RAPGEF5: variants seen among roughly 807,000 people sequenced by gnomAD.
The protein encoded by RAPGEF5 is M-Ras-regulated GEF.
A neutral mutation model predicts 125.2 loss-of-function variants in RAPGEF5; 65 were observed. The ratio of observed to expected loss-of-function variants is 0.52; its 90% CI spans 0.43 to 0.64. RAPGEF5 has a LOEUF of 0.64. Among genes scored for constraint, RAPGEF5 ranks in the 30% least tolerant of loss-of-function variants. The pLI is 0.00. For missense variants in RAPGEF5, 958 were observed against 1,048.1 expected (o/e 0.91, Z 1.19); for synonymous variants, 391 against 385.9 (o/e 1.01, Z -0.16).
At chr7:22,184,505 C>G (rs1784770467) in intron 11 of RAPGEF5, among the ~76,000 whole-genome samples, 1 of 152,192 alleles carries the variant, frequency 6.6e-6, no homozygotes, top group Admixed American at 6.5e-5. Flanking sequence ...AAAATGCATT[C>G]CAATGATCCA....
intron 11 of RAPGEF5, among the ~76,000 whole-genome samples, chr7:22,188,943 G>A (rs1784906256): frequency 6.6e-6 from 1 of 150,816 alleles, no homozygotes; most frequent in Non-Finnish European, 1.5e-5. Context: ...GTTGCTAAAC[G>A]CCAGCTCCCC....
At position 22,356,717 on chromosome 7, in the gene RAPGEF5, T is replaced by C. The variant is rs1275863116; in HGVS notation, c.231+113A>G. 4 of 492,210 alleles carry C rather than the reference T, an allele frequency of 8.1e-6. No homozygotes were observed. The East Asian group carries it at 2.8e-4, about 34-fold the overall frequency. The allele number at this position is 492,210 out of a possible 1,614,324, so 30.5% of individuals were successfully genotyped here. A position where few individuals can be genotyped will look rare whatever the true frequency, so the allele number is the denominator to read the frequency against. On this transcript the variant is annotated intron_variant, in intron 1 of 25. Coordinates refer to ENST00000665637, the MANE Select transcript of RAPGEF5 (RefSeq NM_012294.5). Reference sequence around the variant, plus strand: ...TTCAGCCGAGTCCGGCAGAAGGGCGTCCCTTCCGCCACCTCCCCAACTTCC... The same window carrying C: ...TTCAGCCGAGTCCGGCAGAAGGGCGCCCCTTCCGCCACCTCCCCAACTTCC...
intron 9 of RAPGEF5, among the ~76,000 whole-genome samples, chr7:22,208,518 G>A (rs1486363779): frequency 1.3e-5 from 2 of 152,152 alleles, no homozygotes; most frequent in Non-Finnish European, 2.9e-5. Flanking sequence ...TGATCATAAG[G>A]GATGCTGGCC....
At chr7:22,250,222 A>AT (rs1786585164) in intron 7 of RAPGEF5, among the ~76,000 whole-genome samples, 1 of 152,216 alleles carries the variant, frequency 6.6e-6, no homozygotes, top group South Asian at 2.1e-4. Flanking sequence ...TAATCACTAT[A>AT]TGACAGTATT....
chr7:22,338,921 A>G (rs755189508), intron 1 of RAPGEF5, among the ~76,000 whole-genome samples: 1 of 152,220 alleles, frequency 6.6e-6, no homozygotes, highest in Non-Finnish European at 1.5e-5. Context: ...CTCTAAAATA[A>G]TAATTGATCA....
rs889655881 is a variant in RAPGEF5, at chr7:22,310,143, A to G, written c.390-53T>C. 1.8e-5 allele frequency: 16 copies of G among 880,096 alleles called. No individual in the cohort carries two copies. In the African/African-American group the frequency reaches 2.6e-4, roughly 14 times the overall value. The allele number at this position is 880,096 out of a possible 1,614,324, so 54.5% of individuals were successfully genotyped here. A position where few individuals can be genotyped will look rare whatever the true frequency, so the allele number is the denominator to read the frequency against. On this transcript the variant is annotated intron_variant, in intron 3 of 25. Coordinates refer to ENST00000665637, the MANE Select transcript of RAPGEF5 (RefSeq NM_012294.5). ...AAGATATTGCTGACATCCGTTTGCCAAAAAAACAAAAATGATATATAATAC... is the reference window on the plus strand; with the variant it reads ...AAGATATTGCTGACATCCGTTTGCCGAAAAAACAAAAATGATATATAATAC...
intron 9 of RAPGEF5, among the ~76,000 whole-genome samples, chr7:22,216,674 T>C (rs1244316260): frequency 6.6e-6 from 1 of 152,212 alleles, no homozygotes; most frequent in African/African-American, 2.4e-5. Flanking sequence ...ACAGCCCATT[T>C]CTTTCCCCTT....
intron 18 of RAPGEF5, among the ~76,000 whole-genome samples, chr7:22,149,201 G>T (rs181230240): frequency 6.6e-6 from 1 of 152,294 alleles, no homozygotes; most frequent in Admixed American, 6.5e-5. Flanking sequence ...ATACAGATCT[G>T]GTAATAAGTG....
At chr7:22,194,916 C>A (rs1192652734) in intron 9 of RAPGEF5, among the ~76,000 whole-genome samples, 1 of 152,204 alleles carries the variant, frequency 6.6e-6, no homozygotes, top group Admixed American at 6.5e-5. Context: ...GTGTGAAATT[C>A]TCCTGATGTG....
At chr7:22,210,436 T>A (rs943622095) in intron 9 of RAPGEF5, among the ~76,000 whole-genome samples, 1 of 151,662 alleles carries the variant, frequency 6.6e-6, no homozygotes, top group African/African-American at 2.4e-5. Flanking sequence ...TCTTTGATGG[T>A]GGAGGGCAAA....
At chr7:22,136,912 C>T in intron 22 of RAPGEF5, 21 bp downstream of exon 22, 1 of 1,540,840 alleles carries the variant, frequency 6.5e-7, no homozygotes, top group Non-Finnish European at 8.9e-7. Context: ...AGAATAAGTC[C>T]CCTTTGGCTC....
intron 7 of RAPGEF5, among the ~76,000 whole-genome samples, chr7:22,232,140 A>G (rs1473100027): frequency 6.6e-6 from 1 of 152,120 alleles, no homozygotes; most frequent in African/African-American, 2.4e-5. Context: ...GGAGAGAGAA[A>G]AAAGAGATGA....
intron 9 of RAPGEF5, among the ~76,000 whole-genome samples, chr7:22,216,579 G>A (rs1785644024): frequency 6.6e-6 from 1 of 152,118 alleles, no homozygotes; most frequent in Non-Finnish European, 1.5e-5. Flanking sequence ...ATTAAGGCTA[G>A]GAAATACAAT....
chr7:22,316,485 A>ATT (rs1422209244), intron 2 of RAPGEF5, among the ~76,000 whole-genome samples: 302 of 29,518 alleles, frequency 0.01, 10 homozygotes, highest in East Asian at 0.014. Flanking sequence ...ATATATATAT[A>ATT]TATATTTTTT....
At chr7:22,314,692 T>C (rs556869890) in intron 3 of RAPGEF5, 8 of 900,164 alleles carry the variant, frequency 8.9e-6, no homozygotes, top group East Asian at 1.2e-4. Flanking sequence ...TTTTCTTTCA[T>C]AGTTTTGGTA....
At chr7:22,125,334 G>T (rs544256153) in intron 25 of RAPGEF5, 6 of 352,824 alleles carry the variant, frequency 1.7e-5, no homozygotes, top group Non-Finnish European at 2.7e-5. Flanking sequence ...GAGTTGCGGG[G>T]AGGAGGTTTC....
chr7:22,313,689 A>G (rs1216268348), intron 3 of RAPGEF5, among the ~76,000 whole-genome samples: 1 of 152,258 alleles, frequency 6.6e-6, no homozygotes, highest in Non-Finnish European at 1.5e-5. Flanking sequence ...AAATGAGAAT[A>G]ATGATTGATG....
At chr7:22,225,568 A>AG (rs796431764) in intron 8 of RAPGEF5, among the ~76,000 whole-genome samples, 6 of 152,344 alleles carry the variant, frequency 3.9e-5, no homozygotes, top group African/African-American at 1.4e-4. Flanking sequence ...GATGTTCCTC[A>AG]GGGTCCCTTT....
At chr7:22,300,202 G>A (rs2528645) in intron 5 of RAPGEF5, among the ~76,000 whole-genome samples, 1 of 151,852 alleles carries the variant, frequency 6.6e-6, no homozygotes, top group African/African-American at 2.4e-5. Context: ...TTTATAATGA[G>A]CTATCTTCAG....
Sources: allele counts gnomAD v4.1 joint callset (sites outside exome capture counted in the v4.1 genomes callset), GRCh38; gene constraint gnomAD v4.1.1; transcripts MANE v1.5; gene names NCBI Gene and HGNC (gene_info 2026-07-23, HGNC 2026-07-21).